The following MDGA2 variants were observed in gnomAD, a reference collection of about 807,000 sequenced individuals.
MDGA2 encodes the protein MAM domain-containing glycosylphosphatidylinositol anchor protein 2.
MDGA2 carries 40 observed loss-of-function variants against 117.8 expected under a neutral mutation model. That is an observed-to-expected ratio of 0.34 (90% CI 0.26 to 0.44). The LOEUF is 0.44. MDGA2 is among the 20% of genes least tolerant of loss of function. The pLI is 1.00. For missense variants in MDGA2, 1,123 were observed against 1,250.6 expected (o/e 0.90, Z 1.54); for synonymous variants, 452 against 439.0 (o/e 1.03, Z -0.37).
intron 1 of MDGA2, among the ~76,000 whole-genome samples, chr14:47,477,477 G>A (rs983593374): frequency 1.3e-5 from 2 of 152,094 alleles, no homozygotes; most frequent in African/African-American, 4.8e-5. Context: ...GAGTCCATAC[G>A]CTGATTCTTC....
chr14:47,030,928 C>T (rs1210118576), intron 8 of MDGA2, among the ~76,000 whole-genome samples: 1 of 152,020 alleles, frequency 6.6e-6, no homozygotes, highest in Non-Finnish European at 1.5e-5. Flanking sequence ...TAAAAATTAG[C>T]AATGTGAACA....
intron 5 of MDGA2, among the ~76,000 whole-genome samples, chr14:47,112,677 T>C (rs1881108263): frequency 6.6e-6 from 1 of 152,200 alleles, no homozygotes; most frequent in Non-Finnish European, 1.5e-5. Context: ...GTCTTTGCTA[T>C]TGGAAACAGT....
chr14:46,990,040 A>G (rs1274952291), intron 8 of MDGA2, among the ~76,000 whole-genome samples: 3 of 152,072 alleles, frequency 2.0e-5, no homozygotes, highest in African/African-American at 4.8e-5. Context: ...ATATAATACA[A>G]TGTTCCTAAG....
At chr14:47,224,282 C>G (rs1041093645) in intron 2 of MDGA2, among the ~76,000 whole-genome samples, 1 of 42,840 alleles carries the variant, frequency 2.3e-5, no homozygotes, top group Non-Finnish European at 5.5e-5. Flanking sequence ...CCAATAGAGT[C>G]TGATATAGAT....
intron 1 of MDGA2, among the ~76,000 whole-genome samples, chr14:47,455,316 G>C (rs1167419071): frequency 6.6e-6 from 1 of 152,082 alleles, no homozygotes; most frequent in Non-Finnish European, 1.5e-5. Context: ...GACCAGCCTG[G>C]CCAACATGGT....
chr14:46,844,581 C>CAA (rs547541073), intron 16 of MDGA2, among the ~76,000 whole-genome samples: 10 of 144,948 alleles, frequency 6.9e-5, no homozygotes, highest in African/African-American at 2.5e-4. Context: ...AACTCCGTCT[C>CAA]AAAAAAAAAA....
chr14:47,156,216 T>G (rs551475529), intron 3 of MDGA2, among the ~76,000 whole-genome samples: 2 of 152,226 alleles, frequency 1.3e-5, no homozygotes, highest in South Asian at 4.1e-4. Context: ...CCAAGATTTA[T>G]TTTATCAGTT....
At chr14:47,602,159 G>T (rs1449161092) in intron 1 of MDGA2, among the ~76,000 whole-genome samples, 3 of 152,066 alleles carry the variant, frequency 2.0e-5, no homozygotes, top group African/African-American at 7.2e-5. Flanking sequence ...CACATATTTT[G>T]CTTCCATCTT....
chr14:47,412,731 A>T (rs1892398704), intron 1 of MDGA2, among the ~76,000 whole-genome samples: 1 of 152,250 alleles, frequency 6.6e-6, no homozygotes, highest in Non-Finnish European at 1.5e-5. Context: ...TATCACCAAC[A>T]TCAGCTTCAT....
At chr14:47,537,028 C>T (rs573970750) in intron 1 of MDGA2, among the ~76,000 whole-genome samples, 7 of 152,176 alleles carry the variant, frequency 4.6e-5, no homozygotes, top group African/African-American at 7.2e-5. Context: ...TTATAGACCA[C>T]TTTATGGAAG....
At chr14:47,487,492 G>GAGA (rs1302520506) in intron 1 of MDGA2, among the ~76,000 whole-genome samples, 9 of 152,160 alleles carry the variant, frequency 5.9e-5, no homozygotes, top group Non-Finnish European at 1.0e-4. Context: ...CTATGGCACA[G>GAGA]AGAAGACTCA....
chr14:47,318,416 T>A (rs1421515914), intron 1 of MDGA2, among the ~76,000 whole-genome samples: 2 of 152,088 alleles, frequency 1.3e-5, no homozygotes, highest in Non-Finnish European at 2.9e-5. Flanking sequence ...TCTAATTGCT[T>A]ACCTAAAACT....
intron 3 of MDGA2, among the ~76,000 whole-genome samples, chr14:47,191,487 A>G (rs898232105): frequency 6.6e-6 from 1 of 150,816 alleles, no homozygotes; most frequent in Non-Finnish European, 1.5e-5. Context: ...CATTATTAGA[A>G]AAGGCCATCT....
At chr14:46,887,852 G>T (rs1332941133) in intron 10 of MDGA2, among the ~76,000 whole-genome samples, 1 of 151,808 alleles carries the variant, frequency 6.6e-6, no homozygotes, top group African/African-American at 2.4e-5. Flanking sequence ...AATATATACA[G>T]AATAATTTAT....
At chr14:47,298,986 G>A (rs1348686909) in intron 2 of MDGA2, among the ~76,000 whole-genome samples, 1 of 151,884 alleles carries the variant, frequency 6.6e-6, no homozygotes, top group East Asian at 1.9e-4. Context: ...GCGCCCAGCC[G>A]CCCAGTTAAT....
intron 1 of MDGA2, among the ~76,000 whole-genome samples, chr14:47,509,724 T>C (rs1381898663): frequency 1.3e-5 from 2 of 152,218 alleles, no homozygotes; most frequent in Non-Finnish European, 2.9e-5. Flanking sequence ...GGAGTTAGGA[T>C]CCATTACGTC....
At chr14:47,187,184 C>T (rs1010094261) in intron 3 of MDGA2, among the ~76,000 whole-genome samples, 3 of 151,348 alleles carry the variant, frequency 2.0e-5, no homozygotes, top group South Asian at 2.1e-4. Context: ...GAAAAAAAAA[C>T]GAGAAATAAT....
chr14:46,976,078 T>C (rs893393570), intron 8 of MDGA2, among the ~76,000 whole-genome samples: 2 of 152,108 alleles, frequency 1.3e-5, no homozygotes, highest in Non-Finnish European at 2.9e-5. Context: ...GGAGAGTTAT[T>C]GTTTAATATA....
chr14:47,176,920 T>C (rs1884481093), intron 3 of MDGA2, among the ~76,000 whole-genome samples: 2 of 152,088 alleles, frequency 1.3e-5, no homozygotes, highest in East Asian at 3.8e-4. Context: ...AGGGCTAATG[T>C]CCAGAATCTA....
Sources: allele counts gnomAD v4.1 joint callset (sites outside exome capture counted in the v4.1 genomes callset), GRCh38; gene constraint gnomAD v4.1.1; transcripts MANE v1.5; gene names NCBI Gene and HGNC (gene_info 2026-07-23, HGNC 2026-07-21).